Variants in ZNF34 observed in about 807,000 individuals in gnomAD.
ZNF34 encodes zinc finger protein 34, also known as zinc finger protein 34 (KOX 32).
In ZNF34, 8 loss-of-function variants were observed where a neutral mutation model predicts 14.4. That is an observed-to-expected ratio of 0.55 (90% confidence interval 0.33 to 1.00). ZNF34 has a LOEUF of 1.00. ZNF34 is among the 50% of genes least tolerant of loss of function. The pLI is 0.03. For missense variants in ZNF34, 538 were observed against 674.2 expected (o/e 0.80, Z 2.24); for synonymous variants, 235 against 247.9 (o/e 0.95, Z 0.49).
intron 3 of ZNF34, 63 bp downstream of exon 3, chr8:144,778,376 C>T: frequency 7.0e-7 from 1 of 1,437,620 alleles, no homozygotes; most frequent in Non-Finnish European, 9.3e-7. Flanking sequence ...AGACACCTGG[C>T]AGTGTTTGCC....
chr8:144,778,893 T>C (rs762068349), intron 2 of ZNF34, among the ~76,000 whole-genome samples: 1 of 151,982 alleles, frequency 6.6e-6, no homozygotes, highest in Non-Finnish European at 1.5e-5. Flanking sequence ...CCACCACTGT[T>C]GGTGGAAGAG....
In ZNF34 at chr8:144,787,062, G is replaced by A. The variant is rs1393818717; in HGVS notation, c.-108+217C>T. Among the ~76,000 whole-genome samples, 3 of 152,314 alleles carry A rather than the reference G, an allele frequency of 2.0e-5. No homozygotes were observed. The East Asian group carries it at 5.8e-4, about 30-fold the overall frequency. Reference sequence around the variant, plus strand: ...GGCTCGAGAGCGGAAGGAGCCCCGTGAGGAGCGACCCCAGGGCTGGCAGAG... The same window carrying A: ...GGCTCGAGAGCGGAAGGAGCCCCGTAAGGAGCGACCCCAGGGCTGGCAGAG... On this transcript the variant is annotated intron_variant, in intron 1 of 5. Transcript: ENST00000429371.
At chr8:144,783,691 T>C (rs540585233) in intron 1 of ZNF34, among the ~76,000 whole-genome samples, 111 of 152,338 alleles carry the variant, frequency 7.3e-4, no homozygotes, top group African/African-American at 2.2e-3. Flanking sequence ...TGAAGTACCT[T>C]AGAAAGGTCT....
Position 144,782,842 on chromosome 8 carries a change from C to CAAAAAAAAAAAAA in ZNF34, c.-107-2575_-107-2563dup, listed in dbSNP as rs548252812. 8.0e-3 allele frequency among the ~76,000 whole-genome samples: 183 copies of CAAAAAAAAAAAAA among 22,972 alleles called. 10 individuals are homozygous for CAAAAAAAAAAAAA. Among genetic ancestry groups the CAAAAAAAAAAAAA allele is most frequent in the African/African-American group, 9.0e-3 (29 of 3,224 alleles). The allele number at this position is 22,972 out of a possible 152,430, so 15.1% of individuals were successfully genotyped here. ...ACAGAGACAGAACCAAAGCCTATCT[C>CAAAAAAAAAAAAA]AAAAAAAAAAAAAAAAAAAAAAAAA... On this transcript the variant is annotated intron_variant, in intron 1 of 5. Coordinates refer to ENST00000429371, the MANE Select transcript of ZNF34 (RefSeq NM_001286769.2).
At chr8:144,782,124 C>G (rs1191188708) in intron 1 of ZNF34, among the ~76,000 whole-genome samples, 1 of 151,868 alleles carries the variant, frequency 6.6e-6, no homozygotes. Context: ...GAGATCAAGA[C>G]CATCCTGGCC....
At position 144,777,541 on chromosome 8, in the gene ZNF34, G is replaced by A. The variant is rs1434804496; in HGVS notation, c.197C>T (p.Ser66Leu). 23 of 1,553,592 alleles carry A rather than the reference G, an allele frequency of 1.5e-5. No individual in the cohort carries two copies. Among genetic ancestry groups the A allele is most frequent in the Non-Finnish European group, 1.9e-5 (22 of 1,148,178 alleles). ...GPAGPKPGVI[S>L]QLERGDEPWV... ...GGGCTCATCCCCTCGCTCCAACTGCGAGATCACTCCAGGCTTGGGGCCTGC... is the reference window on the plus strand; with the variant it reads ...GGGCTCATCCCCTCGCTCCAACTGCAAGATCACTCCAGGCTTGGGGCCTGC... The change falls in exon 5 of 6, where the codon TCG becomes TTG. Residue 66 changes from serine to leucine, a missense_variant. Ser to Leu is a moderately radical substitution (Grantham distance 145, BLOSUM62 -2). Coordinates refer to ENST00000429371, the MANE Select transcript of ZNF34 (RefSeq NM_001286769.2). The surrounding 1 kb of genome is among the most constrained non-coding windows in gnomAD (Gnocchi z 4.8).
chr8:144,786,217 A>C (rs1364214313), intron 1 of ZNF34, among the ~76,000 whole-genome samples: 1 of 151,554 alleles, frequency 6.6e-6, no homozygotes, highest in African/African-American at 2.4e-5. Context: ...CGATCTCCAG[A>C]CCTAGTGATC....
rs368725049 is a variant in ZNF34, at chr8:144,775,222, GTGC to G, written c.281-620_281-618del. 5.0e-4 allele frequency among the ~76,000 whole-genome samples: 76 copies of G among 152,296 alleles called. 1 individual carries two copies. The East Asian group carries it at 9.6e-3, about 19-fold the overall frequency. Reference sequence around the variant, plus strand: ...CTGGCTCTGCACTGCACATGAACAGGTGCTGAACACCAATATCTGCCAAGATGT... The same window carrying G: ...CTGGCTCTGCACTGCACATGAACAGGTGAACACCAATATCTGCCAAGATGT... On this transcript the variant is annotated intron_variant, in intron 5 of 5. Coordinates refer to ENST00000429371, the MANE Select transcript of ZNF34 (RefSeq NM_001286769.2).
chr8:144,778,986 C>T (rs1825704873), intron 2 of ZNF34, among the ~76,000 whole-genome samples: 1 of 152,138 alleles, frequency 6.6e-6, no homozygotes, highest in Non-Finnish European at 1.5e-5. Context: ...CCCCTCATGG[C>T]CTTTGGAACA....
In ZNF34 at chr8:144,777,679, G is replaced by A; in HGVS notation, c.161-102C>T. The A allele has an allele frequency of 2.2e-6, 3 of 1,392,280 alleles. No individual in the cohort carries two copies. Among genetic ancestry groups the A allele is most frequent in the Non-Finnish European group, 2.9e-6 (3 of 1,031,506 alleles). 86.2% of individuals were successfully genotyped at this position (1,392,280 alleles called of 1,614,324 possible). A position where few individuals can be genotyped will look rare whatever the true frequency, so the allele number is the denominator to read the frequency against. ...AGGGTAAGGGAGGCACAGGCAGAGG[G>A]GGTGATGGAAGCCTGGACACTCTCT... is the stretch of plus-strand genomic sequence containing the variant. On this transcript the variant is annotated intron_variant, in intron 4 of 5. Transcript: ENST00000429371. The surrounding 1 kb of genome is among the most constrained non-coding windows in gnomAD (Gnocchi z 4.8).
intron 1 of ZNF34, among the ~76,000 whole-genome samples, chr8:144,783,292 C>A (rs1563793160): frequency 6.6e-6 from 1 of 152,096 alleles, no homozygotes; most frequent in African/African-American, 2.4e-5. Flanking sequence ...ACTAAGAGGA[C>A]ACATTAGAAG....
chr8:144,786,589 G>A (rs1826251522), intron 1 of ZNF34, among the ~76,000 whole-genome samples: 1 of 151,678 alleles, frequency 6.6e-6, no homozygotes, highest in Non-Finnish European at 1.5e-5. Context: ...AGCCGAGATC[G>A]CGCCATCGTA....
chr8:144,778,612 T>A (rs1249129222), intron 2 of ZNF34, 87 bp from the exon 3 acceptor site: 2 of 1,094,776 alleles, frequency 1.8e-6, no homozygotes, highest in Admixed American at 3.2e-5. Flanking sequence ...TAAACAGCCC[T>A]GCCTGCCTCA....
At chr8:144,781,951 C>T (rs6599540) in intron 1 of ZNF34, among the ~76,000 whole-genome samples, 70,066 of 151,620 alleles carry the variant, frequency 0.46, 16,635 homozygotes, top group Middle Eastern at 0.56. Context: ...TTTGGGAGGC[C>T]GAGGCGGGTG....
At chr8:144,775,618 GA>G (rs1825463166) in intron 5 of ZNF34, among the ~76,000 whole-genome samples, 1 of 152,204 alleles carries the variant, frequency 6.6e-6, no homozygotes, top group Non-Finnish European at 1.5e-5. Flanking sequence ...AGTCTACACA[GA>G]AAAATCCAAA....
chr8:144,774,072 C>T lies in ZNF34; in HGVS notation c.814G>A (p.Glu272Lys), dbSNP rs36110773. The T allele has an allele frequency of 6.8e-6, 11 of 1,613,406 alleles. No homozygotes were observed. The highest frequency in any genetic ancestry group is 2.7e-5 in the African/African-American group (2 of 74,722). ...TGCATCCTTCGGTGATTGATGAACTCGCAGCTCTGGCTGAAGGCTTTCCCA... is the reference window on the plus strand; with the variant it reads ...TGCATCCTTCGGTGATTGATGAACTTGCAGCTCTGGCTGAAGGCTTTCCCA... ...ECGKAFSQSCEFINHRRMHSG... is the reference protein window; with the variant it reads ...ECGKAFSQSCKFINHRRMHSG... The change falls in exon 6 of 6, where the codon GAG (glutamate) becomes AAG (lysine). Residue 272 changes from glutamate to lysine, a missense_variant. Glu to Lys is a moderately conservative substitution (Grantham distance 56, BLOSUM62 1). Coordinates refer to ENST00000429371, the MANE Select transcript of ZNF34 (RefSeq NM_001286769.2).
At chr8:144,782,299 C>CCA (rs1421374655) in intron 1 of ZNF34, among the ~76,000 whole-genome samples, 5 of 151,190 alleles carry the variant, frequency 3.3e-5, no homozygotes, top group Non-Finnish European at 4.4e-5. Flanking sequence ...TCCAGCCTGG[C>CCA]CACAGAGTGA....
intron 1 of ZNF34, among the ~76,000 whole-genome samples, chr8:144,781,195 A>AATT (rs1825861831): frequency 1.3e-5 from 2 of 151,828 alleles, no homozygotes; most frequent in Non-Finnish European, 2.9e-5. Flanking sequence ...ATATTACTAA[A>AATT]AGCCCACCAA....
intron 1 of ZNF34, among the ~76,000 whole-genome samples, chr8:144,781,011 C>G (rs1172194505): frequency 6.6e-6 from 1 of 150,722 alleles, no homozygotes; most frequent in Non-Finnish European, 1.5e-5. Flanking sequence ...TGGCGGGGGC[C>G]TATAGTCCCA....
Sources: gnomAD v4.1 joint callset for allele counts (sites outside exome capture counted in the v4.1 genomes callset) on GRCh38, gnomAD v4.1.1 for gene constraint, Gnocchi (gnomAD v3.1) non-coding constraint, MANE v1.5 for transcripts, NCBI Gene and HGNC (gene_info 2026-07-23, HGNC 2026-07-21) for gene names.